ZMAT4: variants seen among roughly 807,000 people sequenced by gnomAD.
ZMAT4 encodes zinc finger matrin-type 4.
A neutral mutation model predicts 28.7 loss-of-function variants in ZMAT4; 17 were observed. That is an observed-to-expected ratio of 0.59 (90% CI 0.41 to 0.89). ZMAT4 has a LOEUF of 0.89. Ranked by LOEUF, ZMAT4 falls within the 40% of genes least tolerant of loss-of-function variation. The pLI, the probability that ZMAT4 is intolerant of heterozygous loss-of-function variation, is 0.00. For synonymous variants in ZMAT4, 117 were observed against 109.2 expected (o/e 1.07, Z -0.44); for missense variants, 240 against 283.8 (o/e 0.85, Z 1.11).
chr8:40,684,901 T>G (rs1809332688), intron 4 of ZMAT4, among the ~76,000 whole-genome samples: 1 of 149,498 alleles, frequency 6.7e-6, no homozygotes, highest in South Asian at 2.2e-4. Context: ...CCCCCACCCC[T>G]GAAAAAAGGG....
intron 5 of ZMAT4, among the ~76,000 whole-genome samples, chr8:40,656,010 A>G (rs1019262204): frequency 2.2e-4 from 34 of 152,150 alleles, no homozygotes; most frequent in Admixed American, 6.6e-4. Flanking sequence ...TTAAATTGAA[A>G]GATTGTCCAC....
intron 5 of ZMAT4, among the ~76,000 whole-genome samples, chr8:40,635,415 T>C (rs1195368653): frequency 6.6e-6 from 1 of 151,952 alleles, no homozygotes; most frequent in Non-Finnish European, 1.5e-5. Flanking sequence ...AGACATACAC[T>C]CACACCTCAA....
chr8:40,883,795 C>A lies in ZMAT4; in HGVS notation c.-5+13888G>T, dbSNP rs1025491363. ...GAGGAGGGTTATTACTCACTCTGGG[C>A]AACAACTCTTGTTTCTTTTCAATTC... On this transcript the variant is annotated intron_variant, in intron 1 of 6. Coordinates refer to ENST00000297737, the MANE Select transcript of ZMAT4 (RefSeq NM_024645.3). Among the ~76,000 whole-genome samples, 11 of 152,286 alleles carry A rather than the reference C, an allele frequency of 7.2e-5. No homozygotes were observed. In the South Asian group the frequency reaches 2.3e-3, roughly 32 times the overall value.
intron 5 of ZMAT4, among the ~76,000 whole-genome samples, chr8:40,598,866 C>A (rs6995580): frequency 6.6e-6 from 1 of 151,982 alleles, no homozygotes; most frequent in East Asian, 1.9e-4. Flanking sequence ...TGGATTGTTA[C>A]GGGGTTTTCC....
intron 3 of ZMAT4, among the ~76,000 whole-genome samples, chr8:40,765,545 C>G (rs1347976360): frequency 6.6e-6 from 1 of 152,096 alleles, no homozygotes; most frequent in Non-Finnish European, 1.5e-5. Context: ...CAAGGTTTTT[C>G]AAAACCCAGG....
intron 5 of ZMAT4, among the ~76,000 whole-genome samples, chr8:40,634,534 A>T (rs1806720417): frequency 6.6e-6 from 1 of 152,234 alleles, no homozygotes; most frequent in South Asian, 2.1e-4. Flanking sequence ...TATTTCACCC[A>T]GAAATTTAAA....
intron 5 of ZMAT4, among the ~76,000 whole-genome samples, chr8:40,640,941 G>A (rs2060796): frequency 0.28 from 41,862 of 148,992 alleles, 6,072 homozygotes; most frequent in Admixed American, 0.37. Context: ...CCTGGTTGAT[G>A]GGGGAGACTC....
At chr8:40,788,071 T>C (rs1258443303) in intron 2 of ZMAT4, among the ~76,000 whole-genome samples, 1 of 152,072 alleles carries the variant, frequency 6.6e-6, no homozygotes, top group Admixed American at 6.5e-5. Flanking sequence ...AAGCTGGTTG[T>C]CTGAGATCAG....
intron 5 of ZMAT4, among the ~76,000 whole-genome samples, chr8:40,673,925 A>G (rs1808794187): frequency 1.3e-5 from 2 of 152,144 alleles, no homozygotes; most frequent in African/African-American, 2.4e-5. Context: ...AGTGCCACAC[A>G]GCACTGTCTT....
chr8:40,829,441 G>A (rs979887153), intron 1 of ZMAT4, among the ~76,000 whole-genome samples: 5 of 152,174 alleles, frequency 3.3e-5, no homozygotes, highest in East Asian at 1.9e-4. Context: ...GCTGTCCGGG[G>A]GTCTGAGTTC....
chr8:40,644,617 T>A, intron 5 of ZMAT4, among the ~76,000 whole-genome samples: 1 of 152,184 alleles, frequency 6.6e-6, no homozygotes, highest in Non-Finnish European at 1.5e-5. Flanking sequence ...CATGCAGAAT[T>A]ATTTTGAATA....
rs76038763 is a variant in ZMAT4 at position 40,839,021 on chromosome 8, C to T, written c.-4-13341G>A. On this transcript the variant is annotated intron_variant, in intron 1 of 6. Transcript: ENST00000297737. ...AGTGATGAAACTTATCCAAATGTAC[C>T]CTGTACATAAAAGGCAAAATGGAGA... Among the ~76,000 whole-genome samples the T allele has an allele frequency of 3.5e-4, 54 of 152,242 alleles. No individual in the cohort carries two copies. The East Asian group carries it at 9.4e-3, about 27-fold the overall frequency.
intron 4 of ZMAT4, among the ~76,000 whole-genome samples, chr8:40,679,621 C>T (rs1385532072): frequency 6.6e-6 from 1 of 152,112 alleles, no homozygotes; most frequent in East Asian, 1.9e-4. Context: ...GGGGTAACCA[C>T]CCTCATGATT....
intron 3 of ZMAT4, among the ~76,000 whole-genome samples, chr8:40,702,957 C>T (rs1585905622): frequency 6.6e-6 from 1 of 151,690 alleles, no homozygotes; most frequent in African/African-American, 2.4e-5. Flanking sequence ...AGATAACAAT[C>T]GATTAAAAAG....
chr8:40,731,524 T>C (rs1423541347), intron 3 of ZMAT4, among the ~76,000 whole-genome samples: 1 of 151,794 alleles, frequency 6.6e-6, no homozygotes, highest in Non-Finnish European at 1.5e-5. Flanking sequence ...ACTCAAATTA[T>C]CAACAAAAAG....
chr8:40,535,727 A>G (rs998455627), intron 6 of ZMAT4, among the ~76,000 whole-genome samples: 4 of 152,094 alleles, frequency 2.6e-5, no homozygotes, highest in African/African-American at 9.7e-5. Flanking sequence ...AACAATATGG[A>G]GGAAGAAAGA....
rs543772499 is a variant in ZMAT4 at position 40,735,437 on chromosome 8, T to C, written c.192+32204A>G. Among the ~76,000 whole-genome samples the C allele has an allele frequency of 2.0e-5, 3 of 152,316 alleles. No homozygotes were observed. In the East Asian group the frequency reaches 5.8e-4, roughly 29 times the overall value. ...TAAAAAGAGCACTATTCAGTTTTTG[T>C]GCTCATAGAGTCATAGTCAGTTATC... On this transcript the variant is annotated intron_variant, in intron 3 of 6. Coordinates refer to ENST00000297737, the MANE Select transcript of ZMAT4 (RefSeq NM_024645.3).
chr8:40,542,654 G>T (rs1398315509), intron 6 of ZMAT4, among the ~76,000 whole-genome samples: 1 of 152,100 alleles, frequency 6.6e-6, no homozygotes, highest in East Asian at 1.9e-4. Context: ...CTCTCAAAGT[G>T]CTGGAATTAT....
At chr8:40,725,380 T>A (rs141510719) in intron 3 of ZMAT4, among the ~76,000 whole-genome samples, 232 of 152,316 alleles carry the variant, frequency 1.5e-3, no homozygotes, top group African/African-American at 5.4e-3. Context: ...AGGGGGGATA[T>A]CTTTTGTTCT....
Sources: allele counts gnomAD v4.1 joint callset (sites outside exome capture counted in the v4.1 genomes callset), GRCh38; gene constraint gnomAD v4.1.1; transcripts MANE v1.5; gene names NCBI Gene and HGNC (gene_info 2026-07-23, HGNC 2026-07-21).